Variants in ANKHD1 observed in about 807,000 individuals in gnomAD.
ANKHD1 encodes the protein ankyrin repeat and KH domain-containing protein 1.
A neutral mutation model predicts 230.5 loss-of-function variants in ANKHD1; 31 were observed. The observed-to-expected ratio is 0.13, with a 90% CI of 0.10 to 0.18. The LOEUF (loss-of-function observed/expected upper bound fraction) is 0.18, where lower values mean the gene tolerates loss of function less well. Among genes scored for constraint, ANKHD1 ranks in the 10% least tolerant of loss-of-function variants. The pLI, the probability that ANKHD1 is intolerant of heterozygous loss-of-function variation, is 1.00. For synonymous variants in ANKHD1, 1,074 were observed against 1,117.6 expected (o/e 0.96, Z 0.78); for missense variants, 2,256 against 3,071.3 (o/e 0.73, Z 6.27).
At chr5:140,478,045 G>A (rs1478939616) in intron 10 of ANKHD1, among the ~76,000 whole-genome samples, 1 of 152,152 alleles carries the variant, frequency 6.6e-6, no homozygotes, top group East Asian at 1.9e-4. Context: ...AAGGAAAATT[G>A]TAGTTCTGTA....
At position 140,438,542 on chromosome 5, in the gene ANKHD1, G is replaced by T; in HGVS notation, c.542G>T (p.Cys181Phe). 1 of 1,613,500 alleles carries T rather than the reference G, an allele frequency of 6.2e-7. No homozygotes were observed. Among genetic ancestry groups the T allele is most frequent in the Non-Finnish European group, 8.5e-7 (1 of 1,179,650 alleles). ...CGGAGACTGACATCCTCAGTTAGTT[G>T]TGCACTGGATGAAGCTGCTGCTGCA... ...VLRRLTSSVS[C>F]ALDEAAAALT... The change falls in exon 3 of 34, where the codon TGT (cysteine) becomes TTT (phenylalanine). Residue 181 changes from cysteine (C) to phenylalanine (F), a missense_variant. Cys to Phe is a radical substitution (Grantham distance 205, BLOSUM62 -2). Around this residue, in one of 13 missense-constraint regions of ANKHD1, gnomAD observed 206 missense variants for 304.5 expected, o/e 0.68. Transcript: ENST00000360839.
Position 140,445,933 on chromosome 5 carries a change from A to G in ANKHD1, c.1105A>G (p.Asn369Asp), listed in dbSNP as rs138431742. 20 of 1,609,312 alleles carry G rather than the reference A, an allele frequency of 1.2e-5. No homozygotes were observed. Among genetic ancestry groups the G allele is most frequent in the Non-Finnish European group, 1.6e-5 (19 of 1,177,238 alleles). Reference protein sequence around the residue: ...DHGAGINTHSNEFKESALTLA... With the variant: ...DHGAGINTHSDEFKESALTLA... ...TGGTGCAGGCATCAACACTCATTCT[A>G]ATGAATTCAAAGAAAGTGCTCTAAC... The change falls in exon 6 of 34, where the codon AAT (asparagine) becomes GAT (aspartate). Residue 369 changes from asparagine (N) to aspartate (D), a missense_variant. Asn to Asp is a conservative substitution (Grantham distance 23). This residue lies in a region of ANKHD1 where 206 missense variants were observed against 304.5 expected (regional missense o/e 0.68). Coordinates refer to ENST00000360839, the MANE Select transcript of ANKHD1 (RefSeq NM_017747.3).
At chr5:140,497,877 C>CCACACACACACACACACACA (rs36224738) in intron 15 of ANKHD1, among the ~76,000 whole-genome samples, 2 of 144,606 alleles carry the variant, frequency 1.4e-5, no homozygotes, top group South Asian at 4.4e-4. Flanking sequence ...CCACACCACA[C>CCACACACACACACACACACA]CACACACACA....
At chr5:140,493,462 A>G (rs1751896958) in intron 14 of ANKHD1, among the ~76,000 whole-genome samples, 2 of 152,034 alleles carry the variant, frequency 1.3e-5, no homozygotes. Context: ...AGGAGATAGA[A>G]CCCTTTTATT....
chr5:140,514,117 C>T (rs942560027), intron 24 of ANKHD1, among the ~76,000 whole-genome samples: 8 of 149,044 alleles, frequency 5.4e-5, no homozygotes, highest in East Asian at 2.0e-4. Flanking sequence ...TCCAGGAGTT[C>T]GAGGCTCCAG....
At chr5:140,480,477 C>T (rs891234885) in intron 10 of ANKHD1, among the ~76,000 whole-genome samples, 10 of 152,064 alleles carry the variant, frequency 6.6e-5, no homozygotes, top group Admixed American at 1.3e-4. Flanking sequence ...CCATGACTCA[C>T]GGGACCTAAT....
rs183472667 is a variant in ANKHD1 at position 140,426,920 on chromosome 5, C to A, written c.307-9184C>A. On this transcript the variant is annotated intron_variant, in intron 1 of 33. Coordinates refer to ENST00000360839, the MANE Select transcript of ANKHD1 (RefSeq NM_017747.3). ...AAAAGTCTCCCATGTCTACCTCTTT[C>A]TACACAGACACGGCAACCATCCGAT... Among the ~76,000 whole-genome samples the A allele has an allele frequency of 1.7e-3, 257 of 152,350 alleles. 2 individuals are homozygous for A. Among genetic ancestry groups the A allele is most frequent in the Admixed American group, 3.4e-3 (52 of 15,304 alleles).
In ANKHD1 at chr5:140,507,451, G is replaced by T. The variant is rs1752588728; in HGVS notation, c.3552-334G>T. Among the ~76,000 whole-genome samples the T allele has an allele frequency of 6.6e-6, 1 of 152,174 alleles. No individual in the cohort carries two copies. Among genetic ancestry groups the T allele is most frequent in the South Asian group, 2.1e-4 (1 of 4,832 alleles). On this transcript the variant is annotated intron_variant, in intron 19 of 33. Transcript: ENST00000360839. The surrounding 1 kb of genome is among the most constrained non-coding windows in gnomAD (Gnocchi z 4.1). ...GCCTCCCAGGTAGCTGGGATTACAG[G>T]CATGCGCCACCACACCCAGCTAATT...
rs1752559473 is a variant in ANKHD1 at position 140,506,781 on chromosome 5, A to ACAC, written c.3409-54_3409-53insCAC. On this transcript the variant is annotated intron_variant, in intron 18 of 33. Transcript: ENST00000360839. The surrounding 1 kb of genome is among the most constrained non-coding windows in gnomAD (Gnocchi z 4.7). Reference sequence around the variant, plus strand: ...CCTGTTTCTTTGTGTTTCCTTCATTATAAGTTGAGCCCTTGGTGTAAACTC... The same window carrying ACAC: ...CCTGTTTCTTTGTGTTTCCTTCATTACACTAAGTTGAGCCCTTGGTGTAAACTC... The ACAC allele has an allele frequency of 5.0e-6, 8 of 1,591,802 alleles. No individual in the cohort carries two copies. Among genetic ancestry groups the ACAC allele is most frequent in the African/African-American group, 1.4e-5 (1 of 73,288 alleles).
intron 24 of ANKHD1, 36 bp downstream of exon 24, chr5:140,513,515 A>T: frequency 1.3e-6 from 2 of 1,596,656 alleles, no homozygotes; most frequent in African/African-American, 1.3e-5. Flanking sequence ...TTTAGAAATT[A>T]TTGAGGGTGG....
chr5:140,491,160 A>ATGTTTT (rs1282293062), intron 14 of ANKHD1, among the ~76,000 whole-genome samples: 1 of 45,660 alleles, frequency 2.2e-5, no homozygotes, highest in African/African-American at 9.7e-5. Flanking sequence ...ATATATATAT[A>ATGTTTT]TTTTTTTTTT....
At chr5:140,497,877 C>CCACACACACACACACA (rs36224738) in intron 15 of ANKHD1, among the ~76,000 whole-genome samples, 6 of 144,516 alleles carry the variant, frequency 4.2e-5, no homozygotes, top group Admixed American at 3.5e-4. Flanking sequence ...CCACACCACA[C>CCACACACACACACACA]CACACACACA....
intron 10 of ANKHD1, among the ~76,000 whole-genome samples, chr5:140,480,653 C>A (rs1751234395): frequency 6.6e-6 from 1 of 152,032 alleles, no homozygotes; most frequent in Admixed American, 6.6e-5. Flanking sequence ...AACTACTACT[C>A]TTAATTTCTT....
rs754956079 is a variant in ANKHD1 at position 140,506,883 on chromosome 5, G to A, written c.3457G>A (p.Val1153Ile). The A allele has an allele frequency of 1.8e-5, 29 of 1,613,958 alleles. No individual in the cohort carries two copies. Among genetic ancestry groups the A allele is most frequent in the East Asian group, 6.7e-5 (3 of 44,882 alleles). Reference protein sequence around the residue: ...ARGANKEHRNVSDYTPLSLAA... With the variant: ...ARGANKEHRNISDYTPLSLAA... ...AGGTGCAAATAAAGAACATAGGAAC[G>A]TATCTGATTATACACCACTGAGTCT... The change falls in exon 19 of 34, where the codon GTA becomes ATA. Residue 1153 changes from valine (V) to isoleucine (I), a missense_variant. By Grantham distance (29) the Val-to-Ile change is conservative (BLOSUM62 3). Coordinates refer to ENST00000360839, the MANE Select transcript of ANKHD1 (RefSeq NM_017747.3). The surrounding 1 kb of genome is among the most constrained non-coding windows in gnomAD (Gnocchi z 4.7).
At chr5:140,535,259 G>A in intron 29 of ANKHD1, 103 bp from the exon 30 acceptor site, 1 of 1,467,502 alleles carries the variant, frequency 6.8e-7, no homozygotes, top group Non-Finnish European at 9.1e-7. Context: ...TTATTTATTT[G>A]TTTGGTTATT....
Position 140,524,231 on chromosome 5 carries a change from G to T in ANKHD1, c.4483G>T (p.Asp1495Tyr). 6.4e-7 allele frequency: 1 copy of T among 1,567,852 alleles called. No individual in the cohort carries two copies. Among genetic ancestry groups the T allele is most frequent in the Non-Finnish European group, 8.6e-7 (1 of 1,167,790 alleles). The change falls in exon 25 of 34, where the codon GAT becomes TAT. Residue 1495 changes from aspartate (D) to tyrosine (Y), a missense_variant. By Grantham distance (160) the Asp-to-Tyr change is radical (BLOSUM62 -3). Around this residue, in one of 13 missense-constraint regions of ANKHD1, gnomAD observed 212 missense variants for 257.3 expected, o/e 0.82. Coordinates refer to ENST00000360839, the MANE Select transcript of ANKHD1 (RefSeq NM_017747.3). The stretch of plus-strand genomic sequence containing the variant: ...AGAGGATGAAGATGAAGAGGAGAAT[G>T]ATGAAGATGGTGAGAAACAAACCAT... Reference protein sequence around the residue: ...LPEDEDEEENDEDVEQEVPIE... With the variant: ...LPEDEDEEENYEDVEQEVPIE...
intron 29 of ANKHD1, chr5:140,533,010 A>T (rs1753901547): frequency 4.9e-6 from 1 of 205,366 alleles, no homozygotes; most frequent in South Asian, 5.1e-5. Context: ...AGGCAGGTGA[A>T]TCGCTTGAAC....
At chr5:140,513,299 A>G in intron 23 of ANKHD1, 64 bp from the exon 24 acceptor site, 1 of 1,491,746 alleles carries the variant, frequency 6.7e-7, no homozygotes, top group Non-Finnish European at 9.0e-7. Context: ...TAATGTGCTC[A>G]TCAGCTTAAG....
chr5:140,481,129 A>G (rs932794450), intron 10 of ANKHD1, among the ~76,000 whole-genome samples: 20 of 152,092 alleles, frequency 1.3e-4, no homozygotes, highest in African/African-American at 2.4e-5. Flanking sequence ...AAGGGAAAAA[A>G]CAAGTTGCTA....
Sources: gnomAD v4.1 joint callset for allele counts (sites outside exome capture counted in the v4.1 genomes callset) on GRCh38, gnomAD v4.1.1 for gene constraint, gnomAD v4.1.1 regional missense constraint, Gnocchi (gnomAD v3.1) non-coding constraint, MANE v1.5 for transcripts, NCBI Gene and HGNC (gene_info 2026-07-23, HGNC 2026-07-21) for gene names.